PTPRR: variants seen among roughly 807,000 people sequenced by gnomAD.
The protein encoded by PTPRR is protein tyrosine phosphatase receptor type R, also known as receptor-type tyrosine-protein phosphatase R.
A neutral mutation model predicts 77.2 loss-of-function variants in PTPRR; 38 were observed. The ratio of observed to expected loss-of-function variants is 0.49; its 90% CI spans 0.38 to 0.65. The LOEUF (loss-of-function observed/expected upper bound fraction) is 0.65. Among genes scored for constraint, PTPRR ranks in the 30% least tolerant of loss-of-function variants. The probability of loss-of-function intolerance (pLI) is 0.00; values close to 1 mark genes in which losing one functional copy is unlikely to be tolerated. For synonymous variants in PTPRR, 299 were observed against 283.1 expected (o/e 1.06, Z -0.57); for missense variants, 744 against 799.2 (o/e 0.93, Z 0.83).
At chr12:70,755,347 T>A (rs1890535079) in intron 4 of PTPRR, among the ~76,000 whole-genome samples, 2 of 152,188 alleles carry the variant, frequency 1.3e-5, no homozygotes, top group Non-Finnish European at 2.9e-5. Context: ...ACACGTCTTG[T>A]AGGTGTCTGA....
chr12:70,906,922 G>T (rs1312318598), intron 1 of PTPRR: 1 of 152,438 alleles, frequency 6.6e-6, no homozygotes. Flanking sequence ...TCCAAGGCTG[G>T]TCCCAGTGCA....
At chr12:70,691,124 C>G (rs1888040653) in intron 8 of PTPRR, among the ~76,000 whole-genome samples, 1 of 152,096 alleles carries the variant, frequency 6.6e-6, no homozygotes, top group Non-Finnish European at 1.5e-5. Context: ...ACACACACTT[C>G]CTCCATGCTC....
Position 70,687,078 on chromosome 12 carries a change from C to T in PTPRR, c.1280-2295G>A, listed in dbSNP as rs539397778. Among the ~76,000 whole-genome samples the T allele has an allele frequency of 6.6e-5, 10 of 152,056 alleles. No individual in the cohort carries two copies. The South Asian group carries it at 8.3e-4, about 13-fold the overall frequency. On this transcript the variant is annotated intron_variant, in intron 8 of 13. Coordinates refer to ENST00000283228, the MANE Select transcript of PTPRR (RefSeq NM_002849.4). Reference sequence around the variant, plus strand: ...TAACAGCATTTTATTCATTAGGTCACTTAATTATTACAATTCTATAACGTA... The same window carrying T: ...TAACAGCATTTTATTCATTAGGTCATTTAATTATTACAATTCTATAACGTA...
chr12:70,808,461 G>A (rs898482141), intron 2 of PTPRR, among the ~76,000 whole-genome samples: 1 of 152,008 alleles, frequency 6.6e-6, no homozygotes, highest in African/African-American at 2.4e-5. Context: ...CAGCTCAGGG[G>A]GCATCACAGA....
At chr12:70,868,011 C>T (rs1020552518) in intron 2 of PTPRR, among the ~76,000 whole-genome samples, 20 of 152,144 alleles carry the variant, frequency 1.3e-4, no homozygotes, top group Non-Finnish European at 2.4e-4. Context: ...TCGATCCCTT[C>T]CTTACACCTT....
intron 6 of PTPRR, among the ~76,000 whole-genome samples, chr12:70,716,873 C>T (rs567224757): frequency 1.3e-5 from 2 of 152,272 alleles, no homozygotes; most frequent in African/African-American, 4.8e-5. Flanking sequence ...TTGTGTATCA[C>T]AGAAGACACT....
At chr12:70,826,568 G>T (rs889250587) in intron 2 of PTPRR, among the ~76,000 whole-genome samples, 11 of 152,180 alleles carry the variant, frequency 7.2e-5, no homozygotes, top group Non-Finnish European at 1.2e-4. Flanking sequence ...TAGAGACAAG[G>T]TTTTCCCCAA....
Position 70,703,615 on chromosome 12 carries a change from C to T in PTPRR, c.1008-2292G>A, listed in dbSNP as rs543881742. Among the ~76,000 whole-genome samples, 39 of 152,296 alleles carry T rather than the reference C, an allele frequency of 2.6e-4. No homozygotes were observed. The South Asian group carries it at 7.5e-3, about 29-fold the overall frequency. On this transcript the variant is annotated intron_variant, in intron 6 of 13. Coordinates refer to ENST00000283228, the MANE Select transcript of PTPRR (RefSeq NM_002849.4). ...ACTTCAAATTGATAGAAAATCCTTA[C>T]GGATTCTGATAATAGTTTGCCGATT...
Position 70,764,703 on chromosome 12 carries a change from C to G in PTPRR, c.433G>C (p.Gly145Arg), listed in dbSNP as rs745525503. Residue 145 changes from glycine to arginine, a missense_variant, in exon 3 of 14, where the codon GGA (glycine) becomes CGA (arginine). By Grantham distance (125) the Gly-to-Arg change is moderately radical. This residue lies in a region of PTPRR where 570 missense variants were observed against 573.2 expected (regional missense o/e 0.99). Transcript: ENST00000283228. ...IFRQGVAAAL[G>R]LLPQQVHINR... is the part of the protein sequence containing the mutation. ...ATGTGCACTTGCTGGGGTAAGAGTC[C>G]TAAAGCTGCAGCCACTCCTTGGCGG... The G allele has an allele frequency of 6.2e-7, 1 of 1,614,036 alleles. No individual in the cohort carries two copies. Among genetic ancestry groups the G allele is most frequent in the Non-Finnish European group, 8.5e-7 (1 of 1,179,978 alleles).
intron 8 of PTPRR, among the ~76,000 whole-genome samples, chr12:70,696,691 G>A (rs1274794980): frequency 6.6e-6 from 1 of 151,900 alleles, no homozygotes; most frequent in Non-Finnish European, 1.5e-5. Flanking sequence ...TCACAGAGCT[G>A]TGCAACAATC....
At chr12:70,698,870 A>G (rs1012788375) in intron 7 of PTPRR, among the ~76,000 whole-genome samples, 4 of 152,184 alleles carry the variant, frequency 2.6e-5, no homozygotes, top group African/African-American at 7.2e-5. Flanking sequence ...GAATTAAGAA[A>G]TGGTTTATAA....
In PTPRR at chr12:70,896,802, A is replaced by G. The variant is rs1042900384; in HGVS notation, c.59-3825T>C. Among the ~76,000 whole-genome samples the G allele has an allele frequency of 5.3e-5, 8 of 151,934 alleles. 1 individual carries two copies. The South Asian group carries it at 1.7e-3, about 31-fold the overall frequency. On this transcript the variant is annotated intron_variant, in intron 1 of 13. Coordinates refer to ENST00000283228, the MANE Select transcript of PTPRR (RefSeq NM_002849.4). ...TTAATTTTTGTATCAGGTGTAAGGA[A>G]GGGATCCAGTTTCAGCTTTCTACAT...
chr12:70,724,032 A>G (rs1311576014), intron 6 of PTPRR, among the ~76,000 whole-genome samples: 1 of 152,192 alleles, frequency 6.6e-6, no homozygotes, highest in Non-Finnish European at 1.5e-5. Flanking sequence ...AGGAGAGCAA[A>G]ATGTTTGCAA....
chr12:70,837,090 T>C (rs191309120), intron 2 of PTPRR, among the ~76,000 whole-genome samples: 137 of 151,972 alleles, frequency 9.0e-4, no homozygotes, highest in African/African-American at 3.2e-3. Context: ...AGAATACAAT[T>C]GGGAACAAAA....
chr12:70,781,990 C>G (rs1484204394), intron 2 of PTPRR, among the ~76,000 whole-genome samples: 2 of 152,072 alleles, frequency 1.3e-5, no homozygotes, highest in African/African-American at 4.8e-5. Flanking sequence ...TATCCTTGCT[C>G]AGTTGTTGTT....
intron 2 of PTPRR, among the ~76,000 whole-genome samples, chr12:70,812,042 G>C (rs901690775): frequency 6.6e-6 from 1 of 152,146 alleles, no homozygotes; most frequent in African/African-American, 2.4e-5. Flanking sequence ...TTGGTCAATT[G>C]GTAGGGATTG....
intron 10 of PTPRR, among the ~76,000 whole-genome samples, chr12:70,669,758 C>T (rs994471508): frequency 6.6e-6 from 1 of 151,788 alleles, no homozygotes; most frequent in Non-Finnish European, 1.5e-5. Flanking sequence ...ATGGCAATGG[C>T]TAATTAAAAA....
intron 2 of PTPRR, among the ~76,000 whole-genome samples, chr12:70,873,922 T>C (rs903939282): frequency 6.6e-5 from 10 of 152,120 alleles, no homozygotes; most frequent in African/African-American, 2.2e-4. Context: ...TGTCAGGATG[T>C]CATAATGGAG....
intron 6 of PTPRR, among the ~76,000 whole-genome samples, chr12:70,718,083 ACTGT>A (rs1889099941): frequency 6.6e-6 from 1 of 152,194 alleles, no homozygotes; most frequent in Non-Finnish European, 1.5e-5. Context: ...TCAAATACTA[ACTGT>A]CTGAATCAGG....
Sources: gnomAD v4.1 joint callset for allele counts (sites outside exome capture counted in the v4.1 genomes callset) on GRCh38, gnomAD v4.1.1 for gene constraint, gnomAD v4.1.1 regional missense constraint, MANE v1.5 for transcripts, NCBI Gene and HGNC (gene_info 2026-07-23, HGNC 2026-07-21) for gene names.